BCAS3: variants seen among roughly 807,000 people sequenced by gnomAD.
BCAS3 encodes the protein BCAS3 microtubule associated cell migration factor.
Under a neutral mutation model 116.1 loss-of-function variants are expected in BCAS3, and 53 were observed. The ratio of observed to expected loss-of-function variants is 0.46; its 90% confidence interval spans 0.37 to 0.57. The LOEUF is 0.57. BCAS3 is among the 20% of genes least tolerant of loss of function. The probability of loss-of-function intolerance (pLI) is 0.00; values close to 1 mark genes in which losing one functional copy is unlikely to be tolerated. For synonymous variants in BCAS3, 391 were observed against 408.2 expected, an observed-to-expected ratio of 0.96 and a Z score of 0.51; for missense variants, 917 against 1,165.4, an observed-to-expected ratio of 0.79 and a Z score of 3.10.
chr17:60,751,164 A>G (rs971047600), intron 6 of BCAS3, among the ~76,000 whole-genome samples: 2 of 152,196 alleles, frequency 1.3e-5, no homozygotes, highest in African/African-American at 4.8e-5. Context: ...CATTGTATTT[A>G]ATGGGCATTT....
rs1472503133 is a variant in BCAS3 at position 61,095,562 on chromosome 17, G to C, written c.2425+10998G>C. 6.6e-6 allele frequency among the ~76,000 whole-genome samples: 1 copy of C among 152,036 alleles called. No individual in the cohort carries two copies. Among genetic ancestry groups the C allele is most frequent in the Non-Finnish European group, 1.5e-5 (1 of 68,016 alleles). ...GGTTCATTGCAACCTCTGCCTCCAG[G>C]TTCAAGTGCTTCTCCTGCCTCAGCC... On this transcript the variant is annotated intron_variant, in intron 22 of 23. Transcript: ENST00000407086. This position sits in a 1 kb window ranked among gnomAD's most constrained non-coding sequence, Gnocchi z 4.7.
At chr17:60,711,292 A>G (rs573646711) in intron 5 of BCAS3, among the ~76,000 whole-genome samples, 31 of 152,048 alleles carry the variant, frequency 2.0e-4, no homozygotes, top group African/African-American at 7.0e-4. Flanking sequence ...TGTTCTTTGT[A>G]ATTTTGGTAT....
At chr17:61,299,656 A>G (rs2053274963) in intron 22 of BCAS3, among the ~76,000 whole-genome samples, 1 of 152,140 alleles carries the variant, frequency 6.6e-6, no homozygotes, top group African/African-American at 2.4e-5. Context: ...ACACACAGCT[A>G]TTAGCCAGAG....
chr17:60,793,062 A>G (rs545709606), intron 6 of BCAS3, among the ~76,000 whole-genome samples: 1 of 152,062 alleles, frequency 6.6e-6, no homozygotes, highest in Admixed American at 6.5e-5. Flanking sequence ...GTAGCATGTG[A>G]CAGGATTTCC....
At chr17:60,810,723 C>A (rs2048729525) in intron 7 of BCAS3, 1 of 663,074 alleles carries the variant, frequency 1.5e-6, no homozygotes, top group Admixed American at 1.9e-5. Context: ...ATGGGCTCTG[C>A]AAGGTCACTG....
In BCAS3 at chr17:60,831,758, C is replaced by G. The variant is rs543173376; in HGVS notation, c.476+23682C>G. Reference sequence around the variant, plus strand: ...GCGGTGGGTTTTTTTTTTTAAATGACAAGCCCTCAAATATGTGGTATGTTT... The same window carrying G: ...GCGGTGGGTTTTTTTTTTTAAATGAGAAGCCCTCAAATATGTGGTATGTTT... On this transcript the variant is annotated intron_variant, in intron 7 of 23. Coordinates refer to ENST00000407086, the MANE Select transcript of BCAS3 (RefSeq NM_017679.5). Among the ~76,000 whole-genome samples, 17 of 150,996 alleles carry G rather than the reference C, an allele frequency of 1.1e-4. No homozygotes were observed. The East Asian group carries it at 3.1e-3, about 28-fold the overall frequency.
At chr17:61,109,367 TG>T (rs2074907017) in intron 22 of BCAS3, among the ~76,000 whole-genome samples, 1 of 152,010 alleles carries the variant, frequency 6.6e-6, no homozygotes, top group South Asian at 2.1e-4. Context: ...GAATTTGGTT[TG>T]GTTCCATGTT....
chr17:61,055,346 C>A (rs565525835), intron 19 of BCAS3, among the ~76,000 whole-genome samples: 3 of 152,304 alleles, frequency 2.0e-5, no homozygotes, highest in African/African-American at 7.2e-5. Context: ...ATTTGTCTAT[C>A]AGAGTTAGAA....
chr17:60,679,365 C>T lies in BCAS3; in HGVS notation c.-5-88C>T, dbSNP rs555003474. The T allele has an allele frequency of 4.3e-6, 4 of 926,014 alleles. No individual in the cohort carries two copies. The African/African-American group carries it at 4.9e-5, about 11-fold the overall frequency. 57.4% of individuals were successfully genotyped at this position (926,014 alleles called of 1,614,324 possible). ...TTGAGGCATTTTTGACAAGGGATCTCTAGTGAGTAATCATAAATCTTCCTC... is the reference window on the plus strand; with the variant it reads ...TTGAGGCATTTTTGACAAGGGATCTTTAGTGAGTAATCATAAATCTTCCTC... On this transcript the variant is annotated intron_variant, in intron 1 of 23. Coordinates refer to ENST00000407086, the MANE Select transcript of BCAS3 (RefSeq NM_017679.5).
In BCAS3 at chr17:60,956,959, GA is replaced by G; in HGVS notation, c.1221+9614del. On this transcript the variant is annotated intron_variant, in intron 14 of 23. Coordinates refer to ENST00000407086, the MANE Select transcript of BCAS3 (RefSeq NM_017679.5). The surrounding 1 kb of genome is among the most constrained non-coding windows in gnomAD (Gnocchi z 4.2). ...TCTGACGGTACTTTAATCAGGCAAG[GA>G]AAAAAATTCAGTATGTGTATCTAAT... is the stretch of plus-strand genomic sequence containing the variant. 6.6e-6 allele frequency among the ~76,000 whole-genome samples: 1 copy of G among 152,158 alleles called. No homozygotes were observed. Among genetic ancestry groups the G allele is most frequent in the Middle Eastern group, 3.4e-3 (1 of 294 alleles).
At chr17:60,952,034 A>G (rs965504665) in intron 14 of BCAS3, among the ~76,000 whole-genome samples, 5 of 151,822 alleles carry the variant, frequency 3.3e-5, no homozygotes, top group African/African-American at 1.2e-4. Flanking sequence ...AGCCTCCCAA[A>G]GTGTTGGGAT....
In BCAS3 at chr17:61,063,510, C is replaced by T. The variant is rs867873810; in HGVS notation, c.2030-11410C>T. 2.6e-5 allele frequency among the ~76,000 whole-genome samples: 4 copies of T among 151,998 alleles called. No individual in the cohort carries two copies. The highest frequency in any genetic ancestry group is 2.1e-4 in the South Asian group (1 of 4,820). On this transcript the variant is annotated intron_variant, in intron 19 of 23. Coordinates refer to ENST00000407086, the MANE Select transcript of BCAS3 (RefSeq NM_017679.5). This position sits in a 1 kb window ranked among gnomAD's most constrained non-coding sequence, Gnocchi z 5.3. ...GTCTCGATCTCTTGATCTCGTGATCCGCCACCTCGGCCTCCCAAAGTGCTG... is the reference window on the plus strand; with the variant it reads ...GTCTCGATCTCTTGATCTCGTGATCTGCCACCTCGGCCTCCCAAAGTGCTG...
intron 19 of BCAS3, among the ~76,000 whole-genome samples, chr17:61,045,505 T>A (rs993744274): frequency 6.8e-6 from 1 of 147,336 alleles, no homozygotes; most frequent in Non-Finnish European, 1.5e-5. Flanking sequence ...AGCAAGATTC[T>A]GTCTCTTAAG....
intron 22 of BCAS3, among the ~76,000 whole-genome samples, chr17:61,287,103 C>G (rs1293178576): frequency 1.3e-5 from 2 of 151,982 alleles, no homozygotes; most frequent in Non-Finnish European, 2.9e-5. Flanking sequence ...AAAAAATTAG[C>G]CGGGCGTGGT....
rs760681621 is a variant in BCAS3 at position 61,377,495 on chromosome 17, GT to G, written c.2593+9008del. Among the ~76,000 whole-genome samples the G allele has an allele frequency of 6.6e-6, 1 of 152,324 alleles. No individual in the cohort carries two copies. The highest frequency in any genetic ancestry group is 6.5e-5 in the Admixed American group (1 of 15,306). On this transcript the variant is annotated intron_variant, in intron 23 of 23. Coordinates refer to ENST00000407086, the MANE Select transcript of BCAS3 (RefSeq NM_017679.5). The surrounding 1 kb of genome is among the most constrained non-coding windows in gnomAD (Gnocchi z 4.6). Reference sequence around the variant, plus strand: ...CTCCCGCTATTGGGAAGAATGTGGTGTTTTTTTCCCCTTTTCGATGGGATTT... The same window carrying G: ...CTCCCGCTATTGGGAAGAATGTGGTGTTTTTTCCCCTTTTCGATGGGATTT...
Position 60,947,202 on chromosome 17 carries a change from TG to T in BCAS3, c.1088-16del, listed in dbSNP as rs1249981233. 1 of 1,602,854 alleles carries T rather than the reference TG, an allele frequency of 6.2e-7. No homozygotes were observed. On this transcript the variant is annotated splice_polypyrimidine_tract_variant and intron_variant, in intron 13 of 23. Transcript: ENST00000407086. ...CATAATCATTTTTATTTTTACCCTT[TG>T]TTTTTTGTCTTCCAGGAATGCTTCT...
chr17:60,688,050 T>C (rs1178273571), intron 3 of BCAS3: 3 of 152,218 alleles, frequency 2.0e-5, no homozygotes, highest in Non-Finnish European at 4.4e-5. Context: ...ATAAGTCTGC[T>C]AAGCTGAAGA....
At position 61,243,635 on chromosome 17, in the gene BCAS3, A is replaced by G. The variant is rs1195216951; in HGVS notation, c.2426-124692A>G. 6.6e-6 allele frequency among the ~76,000 whole-genome samples: 1 copy of G among 152,232 alleles called. No individual in the cohort carries two copies. Among genetic ancestry groups the G allele is most frequent in the Non-Finnish European group, 1.5e-5 (1 of 68,036 alleles). ...AGTACAGTTTGATTGAATCAAGGGT[A>G]ATCACCATTATCCTGATTTTCAGGA... On this transcript the variant is annotated intron_variant, in intron 22 of 23. Transcript: ENST00000407086. This position sits in a 1 kb window ranked among gnomAD's most constrained non-coding sequence, Gnocchi z 5.6.
intron 11 of BCAS3, among the ~76,000 whole-genome samples, chr17:60,907,999 C>T (rs934036715): frequency 6.6e-6 from 1 of 152,136 alleles, no homozygotes. Context: ...AGAAAACTTC[C>T]AGCACTTTTC....
Sources: allele counts gnomAD v4.1 joint callset (sites outside exome capture counted in the v4.1 genomes callset), GRCh38; gene constraint gnomAD v4.1.1; non-coding constraint Gnocchi (gnomAD v3.1); transcripts MANE v1.5; gene names NCBI Gene and HGNC (gene_info 2026-07-23, HGNC 2026-07-21).